CTNNA1: variants seen among roughly 807,000 people sequenced by gnomAD.
CTNNA1 encodes catenin alpha 1.
CTNNA1 carries 37 observed loss-of-function variants against 98.4 expected under a neutral mutation model. That is an observed-to-expected ratio of 0.38 (90% CI 0.29 to 0.49). CTNNA1 has a LOEUF of 0.49. Ranked by LOEUF, CTNNA1 falls within the 20% of genes least tolerant of loss-of-function variation. The pLI is 0.95. For synonymous variants in CTNNA1, 404 were observed against 413.2 expected, an observed-to-expected ratio of 0.98 and a Z score of 0.27; for missense variants, 761 against 1,147.2, an observed-to-expected ratio of 0.66 and a Z score of 4.86.
At chr5:138,889,817 T>G (rs1050303922) in intron 9 of CTNNA1, among the ~76,000 whole-genome samples, 4 of 152,098 alleles carry the variant, frequency 2.6e-5, no homozygotes, top group Non-Finnish European at 5.9e-5. Flanking sequence ...TTAAATTACA[T>G]TTACGGTAAT....
intron 3 of CTNNA1, among the ~76,000 whole-genome samples, chr5:138,789,323 G>A (rs952896752): frequency 5.9e-5 from 9 of 152,128 alleles, no homozygotes; most frequent in Non-Finnish European, 8.8e-5. Context: ...GATCTTGAAA[G>A]GTAGAAAAAG....
At chr5:138,851,975 CA>C (rs1763228411) in intron 7 of CTNNA1, among the ~76,000 whole-genome samples, 1 of 152,036 alleles carries the variant, frequency 6.6e-6, no homozygotes, top group Non-Finnish European at 1.5e-5. Flanking sequence ...AAGGCTGAGG[CA>C]GGAGAATTGC....
At chr5:138,759,427 T>G (rs1013691672) in intron 1 of CTNNA1, among the ~76,000 whole-genome samples, 4 of 152,230 alleles carry the variant, frequency 2.6e-5, no homozygotes, top group Non-Finnish European at 5.9e-5. Flanking sequence ...CCCTCATGAT[T>G]GCTTTTGAAT....
intron 3 of CTNNA1, among the ~76,000 whole-genome samples, chr5:138,806,662 C>T (rs1454120690): frequency 6.6e-6 from 1 of 152,238 alleles, no homozygotes; most frequent in Non-Finnish European, 1.5e-5. Context: ...CCTTTCTACT[C>T]CCATCTTCTG....
chr5:138,822,394 G>C (rs373938154), intron 5 of CTNNA1, among the ~76,000 whole-genome samples: 2 of 152,326 alleles, frequency 1.3e-5, no homozygotes, highest in East Asian at 3.9e-4. Context: ...ATGACCGTAA[G>C]TGTCTTTGGT....
At chr5:138,909,145 A>T (rs2150172358) in intron 10 of CTNNA1, among the ~76,000 whole-genome samples, 1 of 152,274 alleles carries the variant, frequency 6.6e-6, no homozygotes, top group Admixed American at 6.5e-5. Context: ...AGAGGAGGGC[A>T]TTTTGGAGAT....
At chr5:138,898,215 C>A (rs1422038055) in intron 9 of CTNNA1, among the ~76,000 whole-genome samples, 1 of 148,966 alleles carries the variant, frequency 6.7e-6, no homozygotes, top group African/African-American at 2.5e-5. Context: ...TCTGCTCCCA[C>A]CTTTGCCTTG....
chr5:138,805,656 G>T (rs1758011266), intron 3 of CTNNA1, among the ~76,000 whole-genome samples: 1 of 151,480 alleles, frequency 6.6e-6, no homozygotes. Flanking sequence ...TTGCTATGTT[G>T]CCCAGGCTAG....
Position 138,931,947 on chromosome 5 carries a change from AAT to A in CTNNA1, c.2299-630_2299-629del, listed in dbSNP as rs912203214. ...GGGTAAAGCTTTCTAGGCTGGTCCT[AAT>A]CTGGGAGCCTCTAAAACTCTGAGAT... is the stretch of plus-strand genomic sequence containing the variant. On this transcript the variant is annotated intron_variant, in intron 16 of 17. Coordinates refer to ENST00000302763, the MANE Select transcript of CTNNA1 (RefSeq NM_001903.5). 1.0e-5 allele frequency: 10 copies of A among 985,284 alleles called. No homozygotes were observed. The Admixed American group carries it at 6.1e-4, about 61-fold the overall frequency. The allele number at this position is 985,284 out of a possible 1,614,324, so 61.0% of individuals were successfully genotyped here.
At chr5:138,758,075 C>T (rs1057188565) in intron 1 of CTNNA1, among the ~76,000 whole-genome samples, 5 of 150,272 alleles carry the variant, frequency 3.3e-5, no homozygotes, top group Non-Finnish European at 5.9e-5. Context: ...GGCGTGATGT[C>T]GGCTCACTGC....
chr5:138,925,063 G>A (rs1763715199), intron 12 of CTNNA1, among the ~76,000 whole-genome samples, 193 bp from the exon 13 acceptor site: 1 of 152,182 alleles, frequency 6.6e-6, no homozygotes, highest in Non-Finnish European at 1.5e-5. Context: ...AATCTCTGTT[G>A]CAGAGAAAAA....
chr5:138,916,827 T>C (rs1335107109), intron 10 of CTNNA1, among the ~76,000 whole-genome samples: 2 of 151,964 alleles, frequency 1.3e-5, no homozygotes, highest in Non-Finnish European at 2.9e-5. Context: ...CAGGCTGGAG[T>C]GCAGTGGCAT....
intron 4 of CTNNA1, among the ~76,000 whole-genome samples, chr5:138,810,913 CA>C (rs766865560): frequency 0.032 from 4,720 of 148,084 alleles, 181 homozygotes; most frequent in Non-Finnish European, 0.047. Flanking sequence ...GCTGGCCGGG[CA>C]GGGGGCTGAC....
intron 1 of CTNNA1, chr5:138,754,301 G>A (rs199782687): frequency 6.6e-6 from 1 of 150,866 alleles, no homozygotes; most frequent in East Asian, 2.0e-4. Flanking sequence ...TGAAGCACTT[G>A]TTGGAAAAAA....
chr5:138,753,443 G>C lies in CTNNA1; in HGVS notation c.-70G>C, dbSNP rs1480375084. 2 of 376,144 alleles carry C rather than the reference G, an allele frequency of 5.3e-6. No homozygotes were observed. Among genetic ancestry groups the C allele is most frequent in the Non-Finnish European group, 9.5e-6 (2 of 211,520 alleles). The allele number at this position is 376,144 out of a possible 1,614,324, so 23.3% of individuals were successfully genotyped here. A position where few individuals can be genotyped will look rare whatever the true frequency, so the allele number is the denominator to read the frequency against. ...CCATTTCCTCCTCCTAGCCGGACTG[G>C]AGGGAGACAAAGCAGCGCCCGTCTG... On this transcript the variant is annotated 5_prime_UTR_variant, in exon 1 of 18. Transcript: ENST00000302763.
intron 9 of CTNNA1, among the ~76,000 whole-genome samples, chr5:138,892,140 C>T (rs1303505728): frequency 6.6e-6 from 1 of 151,962 alleles, no homozygotes; most frequent in Non-Finnish European, 1.5e-5. Context: ...CAAGCTGTGC[C>T]CCAAGCACCT....
chr5:138,833,522 C>A (rs1397349016), intron 7 of CTNNA1, among the ~76,000 whole-genome samples: 3 of 152,140 alleles, frequency 2.0e-5, no homozygotes, highest in Non-Finnish European at 2.9e-5. Flanking sequence ...TGTTTCTTTT[C>A]ACTTATGGCT....
At chr5:138,822,457 A>G (rs529895062) in intron 5 of CTNNA1, among the ~76,000 whole-genome samples, 1 of 152,352 alleles carries the variant, frequency 6.6e-6, no homozygotes, top group South Asian at 2.1e-4. Flanking sequence ...ACTTAGGAGG[A>G]ATGCCAAAGC....
chr5:138,916,688 C>A (rs1761858017), intron 10 of CTNNA1, among the ~76,000 whole-genome samples: 1 of 151,806 alleles, frequency 6.6e-6, no homozygotes, highest in African/African-American at 2.4e-5. Context: ...ATGCCCAGCT[C>A]ATTTTCTTTA....
Sources: gnomAD v4.1 joint callset for allele counts (sites outside exome capture counted in the v4.1 genomes callset) on GRCh38, gnomAD v4.1.1 for gene constraint, MANE v1.5 for transcripts, NCBI Gene and HGNC (gene_info 2026-07-23, HGNC 2026-07-21) for gene names.